The following KCNQ1 variants were observed in gnomAD, a reference collection of about 807,000 sequenced individuals.
KCNQ1 encodes potassium voltage-gated channel subfamily KQT member 1.
KCNQ1 carries 49 observed loss-of-function variants against 72.4 expected under a neutral mutation model. The observed-to-expected ratio is 0.68, with a 90% CI of 0.54 to 0.86. The LOEUF is 0.86. Among genes scored for constraint, KCNQ1 ranks in the 40% least tolerant of loss-of-function variants. The probability of loss-of-function intolerance (pLI) is 0.00; values close to 1 mark genes in which losing one functional copy is unlikely to be tolerated. For missense variants in KCNQ1, 790 were observed against 945.1 expected (o/e 0.84, Z 2.15); for synonymous variants, 450 against 412.6 (o/e 1.09, Z -1.10).
intron 15 of KCNQ1, among the ~76,000 whole-genome samples, chr11:2,799,978 C>A (rs147873593): frequency 2.3e-4 from 35 of 152,314 alleles, no homozygotes; most frequent in African/African-American, 8.2e-4. Context: ...TCCGGAGAGG[C>A]CTGGGTAGCT....
At chr11:2,639,837 C>T (rs1356867388) in intron 10 of KCNQ1, 1 of 152,642 alleles carries the variant, frequency 6.6e-6, no homozygotes, top group Non-Finnish European at 1.5e-5. Flanking sequence ...AGGCAGGCCT[C>T]CTTGAGCTGT....
chr11:2,740,813 C>A (rs1378983647), intron 11 of KCNQ1, among the ~76,000 whole-genome samples: 1 of 152,196 alleles, frequency 6.6e-6, no homozygotes, highest in Non-Finnish European at 1.5e-5. Flanking sequence ...CTGTGCGTCC[C>A]CTGCGGCCAC....
At position 2,544,302 on chromosome 11, in the gene KCNQ1, G is replaced by GTGTATATATGTATATATCTA. The variant is rs2133682861; in HGVS notation, c.477+16294_477+16313dup. On this transcript the variant is annotated intron_variant, in intron 2 of 15. Transcript: ENST00000155840. The surrounding 1 kb of genome is among the most constrained non-coding windows in gnomAD (Gnocchi z 4.4). ...TATGTGTATATATATATGTATATAT[G>GTGTATATATGTATATATCTA]TGTATATATGTATATATCTATGTAT... is the stretch of plus-strand genomic sequence containing the variant. 7.0e-6 allele frequency among the ~76,000 whole-genome samples: 1 copy of GTGTATATATGTATATATCTA among 143,344 alleles called. No homozygotes were observed. Among genetic ancestry groups the GTGTATATATGTATATATCTA allele is most frequent in the East Asian group, 2.1e-4 (1 of 4,872 alleles). The allele number at this position is 143,344 out of a possible 152,430, so 94.0% of individuals were successfully genotyped here.
At chr11:2,510,942 T>C (rs1473557194) in intron 1 of KCNQ1, among the ~76,000 whole-genome samples, 1 of 152,176 alleles carries the variant, frequency 6.6e-6, no homozygotes, top group Non-Finnish European at 1.5e-5. Context: ...TGTCCCTAGC[T>C]CTCTACCCGA....
At chr11:2,521,528 G>A (rs1283323355) in intron 1 of KCNQ1, 5 of 470,700 alleles carry the variant, frequency 1.1e-5, no homozygotes, top group South Asian at 3.1e-5. Flanking sequence ...TCTGTGAAAC[G>A]CTCCAGTGGT....
intron 10 of KCNQ1, chr11:2,634,777 CT>C (rs1379941930): frequency 6.6e-6 from 1 of 152,192 alleles, no homozygotes; most frequent in Non-Finnish European, 1.5e-5. Flanking sequence ...AATGGTTGAA[CT>C]AGTTTACAGT....
At chr11:2,834,215 G>A (rs778914655) in intron 15 of KCNQ1, among the ~76,000 whole-genome samples, 76 of 152,310 alleles carry the variant, frequency 5.0e-4, no homozygotes, top group Admixed American at 1.5e-3. Context: ...GCTGGGTTGT[G>A]TAGCATGTGG....
Position 2,767,881 on chromosome 11 carries a change from G to C in KCNQ1, c.1515-963G>C, listed in dbSNP as rs544104871. Among the ~76,000 whole-genome samples, 1 of 152,310 alleles carries C rather than the reference G, an allele frequency of 6.6e-6. No individual in the cohort carries two copies. Among genetic ancestry groups the C allele is most frequent in the South Asian group, 2.1e-4 (1 of 4,822 alleles). On this transcript the variant is annotated intron_variant, in intron 11 of 15. Coordinates refer to ENST00000155840, the MANE Select transcript of KCNQ1 (RefSeq NM_000218.3). The surrounding 1 kb of genome is among the most constrained non-coding windows in gnomAD (Gnocchi z 4.6). ...TAGAGGACCAGAATCTTTTTCCCTCGTGTCCTGGCTGTCCTGTGGCCCTGG... is the reference window on the plus strand; with the variant it reads ...TAGAGGACCAGAATCTTTTTCCCTCCTGTCCTGGCTGTCCTGTGGCCCTGG...
At position 2,668,274 on chromosome 11, in the gene KCNQ1, T is replaced by G; in HGVS notation, c.1514+6193T>G. On this transcript the variant is annotated intron_variant, in intron 11 of 15. Transcript: ENST00000155840. The surrounding 1 kb of genome is among the most constrained non-coding windows in gnomAD (Gnocchi z 4.3). ...TAGGTTGCTGTTTAAGAATATTCTGTACATGCTTTTGGTGAGCATCAGGTT... is the reference window on the plus strand; with the variant it reads ...TAGGTTGCTGTTTAAGAATATTCTGGACATGCTTTTGGTGAGCATCAGGTT... 5.0e-6 allele frequency: 2 copies of G among 398,700 alleles called. No homozygotes were observed. The highest frequency in any genetic ancestry group is 8.8e-6 in the Non-Finnish European group (2 of 226,108). The allele number at this position is 398,700 out of a possible 1,614,324, so 24.7% of individuals were successfully genotyped here. A position where few individuals can be genotyped will look rare whatever the true frequency, so the allele number is the denominator to read the frequency against.
At chr11:2,587,230 C>T (rs1307149643) in intron 8 of KCNQ1, among the ~76,000 whole-genome samples, 3 of 152,234 alleles carry the variant, frequency 2.0e-5, no homozygotes, top group Non-Finnish European at 4.4e-5. Context: ...TGTACCCTGG[C>T]ACCTGGGGAT....
rs1432637401 is a variant in KCNQ1, at chr11:2,711,196, A to G, written c.1514+49115A>G. On this transcript the variant is annotated intron_variant, in intron 11 of 15. Coordinates refer to ENST00000155840, the MANE Select transcript of KCNQ1 (RefSeq NM_000218.3). The surrounding 1 kb of genome is among the most constrained non-coding windows in gnomAD (Gnocchi z 5.4). ...GTATAGTTTTTGCACTACTTTGTAAATCCTACAGGGTTTTGTGTGACAGTG... is the reference window on the plus strand; with the variant it reads ...GTATAGTTTTTGCACTACTTTGTAAGTCCTACAGGGTTTTGTGTGACAGTG... 1.3e-5 allele frequency among the ~76,000 whole-genome samples: 2 copies of G among 152,156 alleles called. No individual in the cohort carries two copies. The highest frequency in any genetic ancestry group is 1.5e-5 in the Non-Finnish European group (1 of 68,028).
chr11:2,571,152 C>T (rs1848327142), intron 3 of KCNQ1, among the ~76,000 whole-genome samples, 173 bp from the exon 4 acceptor site: 1 of 152,158 alleles, frequency 6.6e-6, no homozygotes, highest in Non-Finnish European at 1.5e-5. Flanking sequence ...TTGGGTCTCT[C>T]CGTTTAGATG....
rs1051917907 is a variant in KCNQ1, at chr11:2,815,457, G to A, written c.1795-32310G>A. Among the ~76,000 whole-genome samples the A allele has an allele frequency of 7.2e-5, 11 of 152,122 alleles. No individual in the cohort carries two copies. The highest frequency in any genetic ancestry group is 1.5e-4 in the Non-Finnish European group (10 of 68,006). On this transcript the variant is annotated intron_variant, in intron 15 of 15. Coordinates refer to ENST00000155840, the MANE Select transcript of KCNQ1 (RefSeq NM_000218.3). The surrounding 1 kb of genome is among the most constrained non-coding windows in gnomAD (Gnocchi z 5.4). ...GACCCTCTCCTGGCCCTGTGGGGTC[G>A]GAGGAGGTCCTGGGAGCCCACCTCC...
In KCNQ1 at chr11:2,647,687, T is replaced by C. The variant is rs993774592; in HGVS notation, c.1394-14274T>C. 7.5e-6 allele frequency: 3 copies of C among 398,480 alleles called. No homozygotes were observed. Among genetic ancestry groups the C allele is most frequent in the African/African-American group, 6.2e-5 (3 of 48,638 alleles). 24.7% of individuals were successfully genotyped at this position (398,480 alleles called of 1,614,324 possible). Reference sequence around the variant, plus strand: ...ACAATCTCATTCCTTGTTATTGCTCTGTTCAGATTTTTTTTCTTCCTGGTT... The same window carrying C: ...ACAATCTCATTCCTTGTTATTGCTCCGTTCAGATTTTTTTTCTTCCTGGTT... On this transcript the variant is annotated intron_variant, in intron 10 of 15. Coordinates refer to ENST00000155840, the MANE Select transcript of KCNQ1 (RefSeq NM_000218.3). This position sits in a 1 kb window ranked among gnomAD's most constrained non-coding sequence, Gnocchi z 4.0.
At chr11:2,700,739 G>T (rs1017951257) in intron 11 of KCNQ1, among the ~76,000 whole-genome samples, 1 of 152,084 alleles carries the variant, frequency 6.6e-6, no homozygotes. Flanking sequence ...GGCGCCCCGC[G>T]CCTGCCAGCG....
At chr11:2,635,371 A>C (rs1849446713) in intron 10 of KCNQ1, 1 of 152,016 alleles carries the variant, frequency 6.6e-6, no homozygotes, top group Admixed American at 6.6e-5. Flanking sequence ...AGGTGTAAGG[A>C]AGGGATCCAG....
intron 15 of KCNQ1, among the ~76,000 whole-genome samples, chr11:2,814,045 G>A (rs949869538): frequency 2.0e-5 from 3 of 151,442 alleles, no homozygotes; most frequent in African/African-American, 7.3e-5. Flanking sequence ...GTGGGTATGT[G>A]GATGGAGAGA....
At chr11:2,519,356 C>CT (rs1348518676) in intron 1 of KCNQ1, among the ~76,000 whole-genome samples, 1 of 152,220 alleles carries the variant, frequency 6.6e-6, no homozygotes, top group Non-Finnish European at 1.5e-5. Context: ...ACGTGACCCT[C>CT]TTTTTAAAAG....
At chr11:2,445,806 G>T (rs1314959355) in intron 1 of KCNQ1, among the ~76,000 whole-genome samples, 1 of 152,142 alleles carries the variant, frequency 6.6e-6, no homozygotes, top group Non-Finnish European at 1.5e-5. Flanking sequence ...AGAGAAGCGT[G>T]CTGGGGAGCG....
Sources: gnomAD v4.1 joint callset for allele counts (sites outside exome capture counted in the v4.1 genomes callset) on GRCh38, gnomAD v4.1.1 for gene constraint, Gnocchi (gnomAD v3.1) non-coding constraint, MANE v1.5 for transcripts, NCBI Gene and HGNC (gene_info 2026-07-23, HGNC 2026-07-21) for gene names.